FHIT: variants seen among roughly 807,000 people sequenced by gnomAD.
The protein encoded by FHIT is bis(5'-adenosyl)-triphosphatase.
A neutral mutation model predicts 17.9 loss-of-function variants in FHIT; 19 were observed. The ratio of observed to expected loss-of-function variants is 1.06; its 90% CI spans 0.74 to 1.56. The LOEUF (loss-of-function observed/expected upper bound fraction) is 1.56, where lower values mean the gene tolerates loss of function less well. Ranked by LOEUF, FHIT falls within the 40% of genes most tolerant of loss-of-function variation. The probability of loss-of-function intolerance (pLI) is 0.00; values close to 1 mark genes in which losing one functional copy is unlikely to be tolerated. For synonymous variants in FHIT, 81 were observed against 69.7 expected (o/e 1.16, Z -0.81); for missense variants, 248 against 189.2 (o/e 1.31, Z -1.82).
intron 5 of FHIT, among the ~76,000 whole-genome samples, chr3:60,238,851 A>G (rs913296510): frequency 6.6e-6 from 1 of 152,186 alleles, no homozygotes; most frequent in African/African-American, 2.4e-5. Context: ...AAGATTCCCC[A>G]TGACTGAGCT....
intron 5 of FHIT, among the ~76,000 whole-genome samples, chr3:60,035,227 C>A (rs550218416): frequency 3.9e-5 from 6 of 152,240 alleles, no homozygotes; most frequent in Admixed American, 2.0e-4. Flanking sequence ...CAGACCGCCA[C>A]GTGGGTTTCA....
At chr3:60,065,084 A>T (rs1185048898) in intron 5 of FHIT, among the ~76,000 whole-genome samples, 1 of 152,172 alleles carries the variant, frequency 6.6e-6, no homozygotes, top group Non-Finnish European at 1.5e-5. Context: ...GTTCTTTAGG[A>T]CATAAATTGG....
intron 5 of FHIT, among the ~76,000 whole-genome samples, chr3:60,350,902 C>A (rs950354859): frequency 6.6e-6 from 1 of 152,160 alleles, no homozygotes; most frequent in Admixed American, 6.5e-5. Context: ...CAAACTCACT[C>A]GAGAGTCTCT....
chr3:60,339,746 G>A (rs910158556), intron 5 of FHIT, among the ~76,000 whole-genome samples: 1 of 152,150 alleles, frequency 6.6e-6, no homozygotes, highest in Non-Finnish European at 1.5e-5. Context: ...GAACAGATGT[G>A]TGCACAGAAA....
chr3:60,280,524 C>G (rs1162629307), intron 5 of FHIT, among the ~76,000 whole-genome samples: 1 of 152,060 alleles, frequency 6.6e-6, no homozygotes, highest in Non-Finnish European at 1.5e-5. Flanking sequence ...ATAACACAGA[C>G]TCATCAAGAA....
At chr3:59,834,231 TCTC>T (rs796268889) in intron 8 of FHIT, among the ~76,000 whole-genome samples, 3 of 152,312 alleles carry the variant, frequency 2.0e-5, no homozygotes, top group East Asian at 3.9e-4. Context: ...ACTCCAGTGT[TCTC>T]CTGTACATCA....
At chr3:60,072,953 G>A (rs1291869631) in intron 5 of FHIT, among the ~76,000 whole-genome samples, 1 of 152,172 alleles carries the variant, frequency 6.6e-6, no homozygotes, top group Non-Finnish European at 1.5e-5. Context: ...ATGGTCAACA[G>A]ATGACTGCAC....
chr3:60,706,938 T>C (rs2041388382), intron 4 of FHIT, among the ~76,000 whole-genome samples: 1 of 152,228 alleles, frequency 6.6e-6, no homozygotes, highest in Non-Finnish European at 1.5e-5. Context: ...GAATTAATTG[T>C]ACTGCTGAAA....
chr3:60,180,917 AAACT>A (rs1475688021), intron 5 of FHIT, among the ~76,000 whole-genome samples: 2 of 152,146 alleles, frequency 1.3e-5, no homozygotes, highest in Non-Finnish European at 1.5e-5. Flanking sequence ...TATTTTAAAC[AAACT>A]AAGTAAGCAT....
Position 60,093,823 on chromosome 3 carries a change from A to T in FHIT, c.104-79671T>A, listed in dbSNP as rs116534619. Among the ~76,000 whole-genome samples the T allele has an allele frequency of 8.9e-3, 1,350 of 152,288 alleles. 24 individuals are homozygous for T. Among genetic ancestry groups the T allele is most frequent in the African/African-American group, 0.03 (1,229 of 41,552 alleles). ...TCCCTCCACCACCGGGTCTGTGGGA[A>T]AATTGTCTTCCATGAAACAAGGTCC... On this transcript the variant is annotated intron_variant, in intron 5 of 9. Transcript: ENST00000492590.
Position 60,276,232 on chromosome 3 carries a change from T to C in FHIT, c.103+260628A>G, listed in dbSNP as rs550970395. Among the ~76,000 whole-genome samples, 222 of 152,192 alleles carry C rather than the reference T, an allele frequency of 1.5e-3. 1 individual carries two copies. The highest frequency in any genetic ancestry group is 3.4e-3 in the Middle Eastern group (1 of 294). On this transcript the variant is annotated intron_variant, in intron 5 of 9. Coordinates refer to ENST00000492590, the MANE Select transcript of FHIT (RefSeq NM_002012.4). ...CGATCTCCTGACCTCGTGATCCGCC[T>C]GCCTCGGCCACCTAAAGTACTGGGA...
At chr3:60,438,458 C>A (rs1419554670) in intron 5 of FHIT, among the ~76,000 whole-genome samples, 2 of 152,060 alleles carry the variant, frequency 1.3e-5, no homozygotes, top group African/African-American at 4.8e-5. Flanking sequence ...TCCTTACAAG[C>A]AGCCCACCCT....
At chr3:60,316,604 C>T (rs1316515735) in intron 5 of FHIT, among the ~76,000 whole-genome samples, 1 of 152,142 alleles carries the variant, frequency 6.6e-6, no homozygotes. Context: ...TGCATTACAG[C>T]CACATCTAAA....
chr3:60,710,341 C>T lies in FHIT; in HGVS notation c.-18+111578G>A, dbSNP rs1041647534. On this transcript the variant is annotated intron_variant, in intron 4 of 9. Transcript: ENST00000492590. ...TCCGGTCTACAGCTCCCAGAGTGAG[C>T]GACACAGAAGATGGGTGATTTCTGC... 8.3e-4 allele frequency among the ~76,000 whole-genome samples: 127 copies of T among 152,268 alleles called. 1 individual carries two copies. The highest frequency in any genetic ancestry group is 3.0e-3 in the Admixed American group (46 of 15,304).
intron 8 of FHIT, among the ~76,000 whole-genome samples, chr3:59,896,795 T>C (rs1293251468): frequency 6.6e-6 from 1 of 152,194 alleles, no homozygotes; most frequent in African/African-American, 2.4e-5. Flanking sequence ...AGGTATTTAA[T>C]ATTCACAAGC....
At chr3:60,530,296 T>G (rs143244033) in intron 5 of FHIT, among the ~76,000 whole-genome samples, 1 of 152,186 alleles carries the variant, frequency 6.6e-6, no homozygotes, top group Non-Finnish European at 1.5e-5. Flanking sequence ...CTAGATGAGG[T>G]CTAGAGACCA....
chr3:60,457,246 G>GA (rs1167215249), intron 5 of FHIT, among the ~76,000 whole-genome samples: 2 of 151,872 alleles, frequency 1.3e-5, no homozygotes, highest in African/African-American at 4.8e-5. Flanking sequence ...TAGACCAATG[G>GA]AACAGAACAG....
At chr3:60,337,093 C>T (rs1018570172) in intron 5 of FHIT, among the ~76,000 whole-genome samples, 2 of 152,086 alleles carry the variant, frequency 1.3e-5, no homozygotes, top group African/African-American at 4.8e-5. Context: ...TTCTACAAGA[C>T]GGAGGTAAGC....
At chr3:61,201,332 T>G (rs973519247) in intron 1 of FHIT, among the ~76,000 whole-genome samples, 16 of 152,220 alleles carry the variant, frequency 1.1e-4, no homozygotes, top group Non-Finnish European at 1.8e-4. Flanking sequence ...CAAATCAATG[T>G]GACAAAAGAT....
Sources: gnomAD v4.1 joint callset for allele counts (sites outside exome capture counted in the v4.1 genomes callset) on GRCh38, gnomAD v4.1.1 for gene constraint, MANE v1.5 for transcripts, NCBI Gene and HGNC (gene_info 2026-07-23, HGNC 2026-07-21) for gene names.